Variants in C4orf51 observed in about 807,000 individuals in gnomAD.
The protein encoded by C4orf51 is chromosome 4 open reading frame 51, also known as uncharacterized protein C4orf51.
C4orf51 carries 25 observed loss-of-function variants against 25.2 expected under a neutral mutation model. That is an observed-to-expected ratio of 0.99 (90% CI 0.72 to 1.39). The LOEUF (loss-of-function observed/expected upper bound fraction) is 1.39. Ranked by LOEUF, C4orf51 falls within the 40% of genes most tolerant of loss-of-function variation. The probability of loss-of-function intolerance (pLI) is 0.00; values close to 1 mark genes in which losing one functional copy is unlikely to be tolerated. For missense variants in C4orf51, 252 were observed against 239.6 expected, an observed-to-expected ratio of 1.05 and a Z score of -0.34; for synonymous variants, 100 against 84.5, an observed-to-expected ratio of 1.18 and a Z score of -1.01.
rs1197606406 is a variant in C4orf51, at chr4:145,762,059, G to C, written n.167-8929G>C. On this transcript the variant is annotated intron_variant and non_coding_transcript_variant, in intron 1 of 1. Coordinates refer to the C4orf51 transcript ENST00000510096. The surrounding 1 kb of genome is among the most constrained non-coding windows in gnomAD (Gnocchi z 4.9). ...CACCACACCAAGCACACGCAGAAAGGCTAAGAGGTTTTAAAGAACAGCTTA... is the reference window on the plus strand; with the variant it reads ...CACCACACCAAGCACACGCAGAAAGCCTAAGAGGTTTTAAAGAACAGCTTA... Among the ~76,000 whole-genome samples, 1 of 152,168 alleles carries C rather than the reference G, an allele frequency of 6.6e-6. No homozygotes were observed. The highest frequency in any genetic ancestry group is 1.5e-5 in the Non-Finnish European group (1 of 68,032).
chr4:145,684,639 G>A (rs556429699), intron 1 of C4orf51, among the ~76,000 whole-genome samples: 1 of 152,310 alleles, frequency 6.6e-6, no homozygotes, highest in East Asian at 1.9e-4. Flanking sequence ...TTCATCAGTT[G>A]TAACAAATGT....
intron 1 of C4orf51, among the ~76,000 whole-genome samples, chr4:145,686,626 G>A (rs1729171046): frequency 6.6e-6 from 1 of 152,140 alleles, no homozygotes; most frequent in Non-Finnish European, 1.5e-5. Context: ...AATCTGAGGA[G>A]TGTATATTCA....
intron 2 of C4orf51, among the ~76,000 whole-genome samples, chr4:145,726,509 C>G (rs1732066176): frequency 6.6e-6 from 1 of 152,136 alleles, no homozygotes; most frequent in South Asian, 2.1e-4. Context: ...TCAGGCAATC[C>G]TCCTGCCTTA....
chr4:145,706,260 T>C (rs1270618588), intron 2 of C4orf51, among the ~76,000 whole-genome samples: 1 of 152,234 alleles, frequency 6.6e-6, no homozygotes, highest in Non-Finnish European at 1.5e-5. Flanking sequence ...TAAAGCACTG[T>C]GAGAATAATT....
At chr4:145,742,766 C>A (rs576956957) in intron 1 of C4orf51, among the ~76,000 whole-genome samples, 10 of 151,972 alleles carry the variant, frequency 6.6e-5, no homozygotes, top group African/African-American at 2.4e-4. Context: ...GGTCTCAAAC[C>A]CCTGACCTCA....
Position 145,765,529 on chromosome 4 carries a change from C to T in C4orf51, n.167-5459C>T. On this transcript the variant is annotated intron_variant and non_coding_transcript_variant, in intron 1 of 1. Coordinates refer to the C4orf51 transcript ENST00000510096. The surrounding 1 kb of genome is among the most constrained non-coding windows in gnomAD (Gnocchi z 4.7). ...GGGTGCGGAGGGTTGAGCAGGCTCA[C>T]ACCCACCTCCTCCTTACCTTTCTCT... 2 of 1,601,152 alleles carry T rather than the reference C, an allele frequency of 1.2e-6. No homozygotes were observed. Among genetic ancestry groups the T allele is most frequent in the Non-Finnish European group, 1.7e-6 (2 of 1,173,626 alleles).
At chr4:145,764,921 G>A (rs1735054565) in intron 1 of C4orf51, 5 of 1,604,178 alleles carry the variant, frequency 3.1e-6, no homozygotes, top group Admixed American at 1.7e-5. Flanking sequence ...GGGAAGGGAC[G>A]GGGTAGGGAA....
chr4:145,756,068 G>GT (rs1197827232), downstream of C4orf51, among the ~76,000 whole-genome samples: 2 of 152,198 alleles, frequency 1.3e-5, no homozygotes, highest in Admixed American at 6.5e-5. Context: ...CTAATGAGAT[G>GT]TGTCTTCCCC....
In C4orf51 at chr4:145,765,089, G is replaced by C; in HGVS notation, n.167-5899G>C. 1 of 1,614,212 alleles carries C rather than the reference G, an allele frequency of 6.2e-7. No homozygotes were observed. Among genetic ancestry groups the C allele is most frequent in the Non-Finnish European group, 8.5e-7 (1 of 1,180,034 alleles). Reference sequence around the variant, plus strand: ...ACACATCACACTCAAACATCCGGGTGATGAGGTGTATCTGCAGATGACGCT... The same window carrying C: ...ACACATCACACTCAAACATCCGGGTCATGAGGTGTATCTGCAGATGACGCT... On this transcript the variant is annotated intron_variant and non_coding_transcript_variant, in intron 1 of 1. Transcript: ENST00000510096. The surrounding 1 kb of genome is among the most constrained non-coding windows in gnomAD (Gnocchi z 4.7).
intron 1 of C4orf51, among the ~76,000 whole-genome samples, chr4:145,694,939 A>G (rs985310849): frequency 2.6e-5 from 4 of 152,222 alleles, no homozygotes; most frequent in African/African-American, 4.8e-5. Flanking sequence ...GACAAATTAG[A>G]GAACAAACAA....
At chr4:145,726,855 G>A in intron 2 of C4orf51, 56 bp from the exon 3 acceptor site, 1 of 1,435,188 alleles carries the variant, frequency 7.0e-7, no homozygotes, top group Non-Finnish European at 9.8e-7. Context: ...GAAGTGTAAG[G>A]AATTTTATTC....
chr4:145,701,211 C>T (rs1253869364), intron 2 of C4orf51, among the ~76,000 whole-genome samples: 1 of 118,846 alleles, frequency 8.4e-6, no homozygotes, highest in Non-Finnish European at 1.7e-5. Flanking sequence ...CAGGACTTAA[C>T]CTCACCTTCA....
chr4:145,776,746 G>A, the C4orf51 span, among the ~76,000 whole-genome samples: 1 of 151,958 alleles, frequency 6.6e-6, no homozygotes, highest in African/African-American at 2.4e-5. Context: ...GGCCTGGGTC[G>A]GCCAAGAAAT....
At chr4:145,781,437 G>A in the C4orf51 span, among the ~76,000 whole-genome samples, 1 of 152,108 alleles carries the variant, frequency 6.6e-6, no homozygotes, top group Non-Finnish European at 1.5e-5. Context: ...ATGGGAGGAG[G>A]GGAAATGATG....
At chr4:145,700,856 T>G (rs1578951430) in intron 2 of C4orf51, among the ~76,000 whole-genome samples, 1 of 152,248 alleles carries the variant, frequency 6.6e-6, no homozygotes, top group East Asian at 1.9e-4. Flanking sequence ...AATCTTTTTA[T>G]CGCCTCCCCT....
chr4:145,764,477 T>C (rs1469624238), intron 1 of C4orf51, among the ~76,000 whole-genome samples: 1 of 152,224 alleles, frequency 6.6e-6, no homozygotes, highest in South Asian at 2.1e-4. Flanking sequence ...ATCAGTATGT[T>C]TGCAGGAGGA....
chr4:145,681,116 C>T (rs2126644943), intron 1 of C4orf51, among the ~76,000 whole-genome samples: 1 of 152,216 alleles, frequency 6.6e-6, no homozygotes, highest in South Asian at 2.1e-4. Context: ...TAGCCCCAAG[C>T]ACTGTCAAGG....
downstream of C4orf51, among the ~76,000 whole-genome samples, chr4:145,756,528 GA>G (rs1031177291): frequency 5.9e-5 from 9 of 152,262 alleles, no homozygotes; most frequent in East Asian, 1.7e-3. Context: ...CTGGGGAAAT[GA>G]TTACTAAACT....
chr4:145,693,986 A>T (rs1466554334), intron 1 of C4orf51, among the ~76,000 whole-genome samples: 1 of 132,206 alleles, frequency 7.6e-6, no homozygotes, highest in Non-Finnish European at 1.6e-5. Flanking sequence ...CACCTCTCAG[A>T]CGGGGCAGCT....
Sources: allele counts gnomAD v4.1 joint callset (sites outside exome capture counted in the v4.1 genomes callset), GRCh38; gene constraint gnomAD v4.1.1; non-coding constraint Gnocchi (gnomAD v3.1); transcripts MANE v1.5; gene names NCBI Gene and HGNC (gene_info 2026-07-23, HGNC 2026-07-21).